Variants in FIG4 observed in about 807,000 individuals in gnomAD.
The protein encoded by FIG4 is polyphosphoinositide phosphatase.
In FIG4, 112 loss-of-function variants were observed where a neutral mutation model predicts 118.6. The ratio of observed to expected loss-of-function variants is 0.94; its 90% CI spans 0.81 to 1.11. FIG4 has a LOEUF of 1.11. Ranked by LOEUF, FIG4 falls within the 50% of genes least tolerant of loss-of-function variation. FIG4 has a pLI of 0.00. For missense variants in FIG4, 969 were observed against 1,111.7 expected (o/e 0.87, Z 1.83); for synonymous variants, 369 against 381.2 (o/e 0.97, Z 0.37).
At chr6:109,738,290 G>A in intron 6 of FIG4, 35 bp from the exon 7 acceptor site, 4 of 1,541,134 alleles carry the variant, frequency 2.6e-6, no homozygotes, top group Non-Finnish European at 3.6e-6. Flanking sequence ...AATATTTTGT[G>A]TATTTATGGA....
chr6:109,743,732 A>G lies in FIG4; in HGVS notation c.1097A>G (p.Gln366Arg). 6.2e-7 allele frequency: 1 copy of G among 1,612,982 alleles called. No individual in the cohort carries two copies. The highest frequency in any genetic ancestry group is 8.5e-7 in the Non-Finnish European group (1 of 1,179,286). Reference sequence around the variant, plus strand: ...GCCCTTCACTTTGACCAGATGTTCCAGAGGTTTGGCTCTCCCATCATCATC... The same window carrying G: ...GCCCTTCACTTTGACCAGATGTTCCGGAGGTTTGGCTCTCCCATCATCATC... ...VAALHFDQMF[Q>R]RFGSPIIILN... The change falls in exon 10 of 23, where the codon CAG becomes CGG. Residue 366 changes from glutamine to arginine, a missense_variant. Gln to Arg is a conservative substitution (Grantham distance 43). Coordinates refer to ENST00000230124, the MANE Select transcript of FIG4 (RefSeq NM_014845.6).
At position 109,743,278 on chromosome 6, in the gene FIG4, T is replaced by C. The variant is rs985655815; in HGVS notation, c.1039+6T>C. On this transcript the variant is annotated splice_donor_region_variant and intron_variant, in intron 9 of 22. Transcript: ENST00000230124. ...GCCTAAACCACCTATTACATGTGTG[T>C]GGAGCCATGTTTTTAATAATAACTC... is the stretch of plus-strand genomic sequence containing the variant. The C allele has an allele frequency of 1.2e-6, 2 of 1,611,506 alleles. No homozygotes were observed. Among genetic ancestry groups the C allele is most frequent in the Non-Finnish European group, 1.7e-6 (2 of 1,178,024 alleles).
chr6:109,724,479 C>T (rs1002363093), intron 3 of FIG4, among the ~76,000 whole-genome samples: 7 of 152,174 alleles, frequency 4.6e-5, no homozygotes, highest in African/African-American at 1.7e-4. Context: ...TGCTTGACAT[C>T]GCTGGAGAAT....
chr6:109,730,864 C>T (rs1406268808), intron 4 of FIG4, among the ~76,000 whole-genome samples: 1 of 151,886 alleles, frequency 6.6e-6, no homozygotes, highest in Non-Finnish European at 1.5e-5. Context: ...AATGCATAAA[C>T]CATAAGGCAA....
In FIG4 at chr6:109,765,136, C is replaced by G. The variant is rs778667307; in HGVS notation, c.1558C>G (p.Leu520Val). ...YSLGLIDKPN[L>V]QFDTDAVRLF... ...ACTGGGACTGATTGACAAACCTAATCTACAGTTTGATACAGATGCAGTTAG... is the reference window on the plus strand; with the variant it reads ...ACTGGGACTGATTGACAAACCTAATGTACAGTTTGATACAGATGCAGTTAG... Residue 520 changes from leucine to valine, a missense_variant, in exon 14 of 23, where the codon CTA becomes GTA. Physicochemically the swap from Leu to Val is conservative, Grantham distance 32 (BLOSUM62 1). Transcript: ENST00000230124. 6.2e-7 allele frequency: 1 copy of G among 1,614,070 alleles called. No homozygotes were observed. The highest frequency in any genetic ancestry group is 1.7e-5 in the Admixed American group (1 of 60,016).
intron 1 of FIG4, among the ~76,000 whole-genome samples, chr6:109,693,210 T>C (rs143645617): frequency 6.6e-6 from 1 of 152,232 alleles, no homozygotes; most frequent in Admixed American, 6.5e-5. Flanking sequence ...TAATTTAATA[T>C]CAATTAATGA....
At chr6:109,811,069 G>T (rs752425252) in intron 22 of FIG4, among the ~76,000 whole-genome samples, 2 of 152,160 alleles carry the variant, frequency 1.3e-5, no homozygotes, top group Non-Finnish European at 2.9e-5. Flanking sequence ...CTCATGTGCA[G>T]TGTTGGTTAA....
chr6:109,724,184 C>T (rs1462592931), intron 3 of FIG4, among the ~76,000 whole-genome samples: 2 of 152,040 alleles, frequency 1.3e-5, no homozygotes, highest in Admixed American at 6.6e-5. Context: ...TCAAGATTCA[C>T]GGTGTACTTT....
chr6:109,733,607 G>A (rs886975813), intron 5 of FIG4, among the ~76,000 whole-genome samples: 9 of 151,936 alleles, frequency 5.9e-5, no homozygotes, highest in Non-Finnish European at 8.8e-5. Flanking sequence ...TCTACTACAT[G>A]GGGTGAATTA....
At chr6:109,785,059 A>G (rs771844365) in intron 17 of FIG4, 31 bp downstream of exon 17, 5 of 1,299,480 alleles carry the variant, frequency 3.8e-6, no homozygotes, top group Non-Finnish European at 4.5e-6. Context: ...TAGTTTTTAC[A>G]CTAACATATT....
intron 18 of FIG4, among the ~76,000 whole-genome samples, 186 bp downstream of exon 18, chr6:109,786,635 T>C (rs893665637): frequency 2.0e-5 from 3 of 152,176 alleles, no homozygotes; most frequent in Non-Finnish European, 2.9e-5. Context: ...TATTGTTCTA[T>C]TGACAGTTGG....
chr6:109,721,494 C>G (rs1038609725), intron 3 of FIG4, among the ~76,000 whole-genome samples: 1 of 152,176 alleles, frequency 6.6e-6, no homozygotes, highest in African/African-American at 2.4e-5. Context: ...CTCATATTGT[C>G]CTTTTTAATA....
intron 22 of FIG4, among the ~76,000 whole-genome samples, chr6:109,798,422 A>G (rs1482728740): frequency 6.6e-6 from 1 of 152,216 alleles, no homozygotes; most frequent in African/African-American, 2.4e-5. Context: ...TAAAGCTGCC[A>G]TTCACTGAGG....
At chr6:109,800,464 TTGCTTGAC>T in intron 22 of FIG4, among the ~76,000 whole-genome samples, 1 of 152,350 alleles carries the variant, frequency 6.6e-6, no homozygotes, top group African/African-American at 2.4e-5. Context: ...CAAGCATACT[TTGCTTGAC>T]TGATTTGGTA....
intron 22 of FIG4, among the ~76,000 whole-genome samples, chr6:109,803,325 C>G (rs4495300): frequency 0.26 from 38,921 of 152,076 alleles, 5,504 homozygotes; most frequent in East Asian, 0.32. Context: ...ATGGGGTATT[C>G]TTTTACAAAG....
chr6:109,751,386 G>C (rs1409171347), intron 10 of FIG4, among the ~76,000 whole-genome samples: 1 of 152,054 alleles, frequency 6.6e-6, no homozygotes, highest in African/African-American at 2.4e-5. Context: ...TTTTTTTGTT[G>C]TGTCTCTGCC....
intron 1 of FIG4, among the ~76,000 whole-genome samples, chr6:109,701,191 C>T (rs1326010087): frequency 6.6e-6 from 1 of 152,184 alleles, no homozygotes. Flanking sequence ...AAGTGTAGTT[C>T]TAGCTTGTGA....
chr6:109,748,613 T>C (rs796240281), intron 10 of FIG4, among the ~76,000 whole-genome samples: 4 of 152,278 alleles, frequency 2.6e-5, no homozygotes, highest in African/African-American at 9.6e-5. Flanking sequence ...GCCAGTGTAT[T>C]AGTCTGTTTG....
chr6:109,752,243 G>A (rs1398116409), intron 10 of FIG4, among the ~76,000 whole-genome samples: 1 of 151,446 alleles, frequency 6.6e-6, no homozygotes, highest in Non-Finnish European at 1.5e-5. Flanking sequence ...TATCACTGTT[G>A]GACATTTGGG....
Sources: allele counts gnomAD v4.1 joint callset (sites outside exome capture counted in the v4.1 genomes callset), GRCh38; gene constraint gnomAD v4.1.1; transcripts MANE v1.5; gene names NCBI Gene and HGNC (gene_info 2026-07-23, HGNC 2026-07-21).